The following AP1B1 variants were observed in gnomAD, a reference collection of about 807,000 sequenced individuals.
AP1B1 encodes the protein adaptor related protein complex 1 subunit beta 1.
In AP1B1, 36 loss-of-function variants were observed where a neutral mutation model predicts 104.3. That is an observed-to-expected ratio of 0.35 (90% CI 0.26 to 0.46). The LOEUF is 0.46. Among genes scored for constraint, AP1B1 ranks in the 20% least tolerant of loss-of-function variants. The probability of loss-of-function intolerance (pLI) is 1.00; values close to 1 mark genes in which losing one functional copy is unlikely to be tolerated. For synonymous variants in AP1B1, 504 were observed against 517.5 expected, an observed-to-expected ratio of 0.97 and a Z score of 0.35; for missense variants, 901 against 1,247.9, an observed-to-expected ratio of 0.72 and a Z score of 4.19.
Position 29,330,841 on chromosome 22 carries a change from C to T in AP1B1, c.2525-132G>A, listed in dbSNP as rs1443456040. The T allele has an allele frequency of 3.5e-5, 26 of 740,718 alleles. No homozygotes were observed. In the Admixed American group the frequency reaches 4.7e-4, roughly 14 times the overall value. 45.9% of individuals were successfully genotyped at this position (740,718 alleles called of 1,614,324 possible). On this transcript the variant is annotated intron_variant, in intron 19 of 22. Coordinates refer to ENST00000357586, the MANE Select transcript of AP1B1 (RefSeq NM_001127.4). ...CTGACAACAGGCACTAGCTGCCGCA[C>T]AGCCCTCCTGCTTCCCTAAGCACAC... is the stretch of plus-strand genomic sequence containing the variant.
intron 1 of AP1B1, among the ~76,000 whole-genome samples, chr22:29,379,035 G>A (rs2148050554): frequency 6.6e-6 from 1 of 152,054 alleles, no homozygotes; most frequent in East Asian, 1.9e-4. Context: ...TCTATAAGCC[G>A]TAATGTGCGG....
chr22:29,343,908 C>T (rs2061750042), intron 11 of AP1B1, among the ~76,000 whole-genome samples: 1 of 152,034 alleles, frequency 6.6e-6, no homozygotes, highest in Middle Eastern at 3.4e-3. Flanking sequence ...GTCAGGAGTT[C>T]GAGACCAGCC....
chr22:29,365,505 C>CA (rs1349113679), intron 2 of AP1B1, among the ~76,000 whole-genome samples: 1 of 152,076 alleles, frequency 6.6e-6, no homozygotes, highest in African/African-American at 2.4e-5. Flanking sequence ...AACAAACAAA[C>CA]AACAAAACCC....
In AP1B1 at chr22:29,341,621, A is replaced by G; in HGVS notation, c.1676T>C (p.Leu559Pro). Reference protein sequence around the residue: ...SEETDLIEPTLLDELICYIGT... With the variant: ...SEETDLIEPTPLDELICYIGT... ...GATGTAGCAGATAAGCTCGTCTAAC[A>G]GTGTGGGCTCGATGAGGTCCGTCTC... Residue 559 changes from leucine to proline, a missense_variant, in exon 13 of 23, where the codon CTG (leucine) becomes CCG (proline). Physicochemically the swap from Leu to Pro is moderately conservative, Grantham distance 98 (BLOSUM62 -3). Coordinates refer to ENST00000357586, the MANE Select transcript of AP1B1 (RefSeq NM_001127.4). 6.2e-7 allele frequency: 1 copy of G among 1,614,232 alleles called. No individual in the cohort carries two copies.
intron 22 of AP1B1, 67 bp downstream of exon 22, chr22:29,329,645 C>T (rs1444222845): frequency 6.2e-7 from 1 of 1,607,636 alleles, no homozygotes; most frequent in Non-Finnish European, 8.5e-7. Context: ...ACATGGGGTG[C>T]ATGGGGGCCA....
chr22:29,374,791 G>A (rs1010820485), intron 1 of AP1B1, among the ~76,000 whole-genome samples: 8 of 152,130 alleles, frequency 5.3e-5, no homozygotes, highest in Non-Finnish European at 8.8e-5. Context: ...GGAAAACTAC[G>A]TAGATACAAA....
rs531855339 is a variant in AP1B1 at position 29,349,520 on chromosome 22, G to A, written c.1272-137C>T. On this transcript the variant is annotated intron_variant, in intron 10 of 22. Transcript: ENST00000357586. ...GGCAGGTAAAGGGGATCTGAGTTTTGTTTTTTTTTTTGAGATGGAGTTTCA... is the reference window on the plus strand; with the variant it reads ...GGCAGGTAAAGGGGATCTGAGTTTTATTTTTTTTTTTGAGATGGAGTTTCA... The A allele has an allele frequency of 1.6e-5, 11 of 686,968 alleles. No homozygotes were observed. In the Admixed American group the frequency reaches 2.0e-4, roughly 12 times the overall value. The allele number at this position is 686,968 out of a possible 1,614,324, so 42.6% of individuals were successfully genotyped here.
intron 7 of AP1B1, among the ~76,000 whole-genome samples, chr22:29,353,634 G>A (rs1301793467): frequency 6.6e-6 from 1 of 151,994 alleles, no homozygotes; most frequent in Non-Finnish European, 1.5e-5. Context: ...AACCCAATTC[G>A]ACCAATATCT....
intron 4 of AP1B1, among the ~76,000 whole-genome samples, chr22:29,359,419 A>G (rs1476940825): frequency 2.6e-5 from 4 of 152,234 alleles, no homozygotes; most frequent in African/African-American, 4.8e-5. Flanking sequence ...GGTACTGAAC[A>G]TTAGGAGAAA....
At chr22:29,334,079 A>T (rs1238089697) in intron 17 of AP1B1, among the ~76,000 whole-genome samples, 186 bp downstream of exon 17, 1 of 152,158 alleles carries the variant, frequency 6.6e-6, no homozygotes, top group Non-Finnish European at 1.5e-5. Context: ...AGAAAAAACA[A>T]ACAAACAAAA....
rs752259194 is a variant in AP1B1, at chr22:29,356,569, G to A, written c.573C>T (p.His191=). The A allele has an allele frequency of 1.9e-6, 3 of 1,614,074 alleles. No homozygotes were observed. The highest frequency in any genetic ancestry group is 2.7e-5 in the African/African-American group (2 of 74,926). The change falls in exon 6 of 23, where the codon CAC becomes CAT. Residue 191 remains histidine, a synonymous_variant. Transcript: ENST00000357586. ...VAALSEIAES[H]PSSNLLDLNP... ...TCAGATCGAGCAGGTTGCTGCTGGGGTGAGACTCGGCAATTTCTGAGAGCG... is the reference window on the plus strand; with the variant it reads ...TCAGATCGAGCAGGTTGCTGCTGGGATGAGACTCGGCAATTTCTGAGAGCG...
In AP1B1 at chr22:29,383,582, G is replaced by A. The variant is rs140128236; in HGVS notation, c.-28+4842C>T. ...AAATTAGCCGGGCGTGGTGGCGGGC[G>A]CCTGTAATCCCAGCTACTCAGGAGG... On this transcript the variant is annotated intron_variant, in intron 1 of 22. Transcript: ENST00000357586. 3.1e-3 allele frequency among the ~76,000 whole-genome samples: 473 copies of A among 151,084 alleles called. 2 individuals carry two copies. The highest frequency in any genetic ancestry group is 0.011 in the African/African-American group (453 of 41,138).
At chr22:29,356,111 A>AG (rs2061953473) in intron 6 of AP1B1, among the ~76,000 whole-genome samples, 1 of 152,216 alleles carries the variant, frequency 6.6e-6, no homozygotes, top group Non-Finnish European at 1.5e-5. Context: ...AGAGCCCCAG[A>AG]CACCCAGTGA....
At chr22:29,366,833 GACACACACACACACACACACACACAC>G (rs200885223) in intron 2 of AP1B1, among the ~76,000 whole-genome samples, 2 of 131,308 alleles carry the variant, frequency 1.5e-5, no homozygotes, top group Admixed American at 1.6e-4. Flanking sequence ...CTTGGATAAG[GACACACACACACACACACACACACAC>G]ACACACACAC....
chr22:29,332,589 T>C (rs2061578035), intron 17 of AP1B1, among the ~76,000 whole-genome samples: 2 of 152,192 alleles, frequency 1.3e-5, no homozygotes, highest in African/African-American at 4.8e-5. Flanking sequence ...GATTCAATAT[T>C]ATACCTGCTC....
chr22:29,334,057 T>G (rs1332020741), intron 17 of AP1B1, among the ~76,000 whole-genome samples: 1 of 152,148 alleles, frequency 6.6e-6, no homozygotes, highest in Non-Finnish European at 1.5e-5. Flanking sequence ...AGAGTGAGAC[T>G]CTGTCTCCAA....
At chr22:29,377,705 G>A (rs1393622878) in intron 1 of AP1B1, among the ~76,000 whole-genome samples, 1 of 151,722 alleles carries the variant, frequency 6.6e-6, no homozygotes, top group Non-Finnish European at 1.5e-5. Flanking sequence ...AGCTACTCTG[G>A]AGGATGAGGC....
chr22:29,355,186 G>A (rs757505347), intron 6 of AP1B1, among the ~76,000 whole-genome samples: 4 of 151,840 alleles, frequency 2.6e-5, no homozygotes, highest in African/African-American at 4.8e-5. Flanking sequence ...ACAGTGAGCC[G>A]AGATCGCGCC....
intron 1 of AP1B1, among the ~76,000 whole-genome samples, chr22:29,385,325 G>T (rs1366065210): frequency 6.6e-6 from 1 of 152,228 alleles, no homozygotes; most frequent in Non-Finnish European, 1.5e-5. Flanking sequence ...GTTGGAGCCT[G>T]CAGTGAGCTA....
Sources: gnomAD v4.1 joint callset for allele counts (sites outside exome capture counted in the v4.1 genomes callset) on GRCh38, gnomAD v4.1.1 for gene constraint, MANE v1.5 for transcripts, NCBI Gene and HGNC (gene_info 2026-07-23, HGNC 2026-07-21) for gene names.